The following RANBP17 variants were observed in gnomAD, a reference collection of about 807,000 sequenced individuals.
RANBP17 encodes ran-binding protein 17.
In RANBP17, 158 loss-of-function variants were observed where a neutral mutation model predicts 141.2. That is an observed-to-expected ratio of 1.12 (90% confidence interval 0.98 to 1.28). The LOEUF (loss-of-function observed/expected upper bound fraction) is 1.28. RANBP17 is among the 50% of genes most tolerant of loss of function. RANBP17 has a pLI of 0.00. For synonymous variants in RANBP17, 430 were observed against 450.0 expected (o/e 0.96, Z 0.56); for missense variants, 1,438 against 1,290.7 (o/e 1.11, Z -1.75).
At chr5:171,212,656 C>T (rs1232643349) in intron 20 of RANBP17, among the ~76,000 whole-genome samples, 1 of 152,048 alleles carries the variant, frequency 6.6e-6, no homozygotes, top group Non-Finnish European at 1.5e-5. Flanking sequence ...CCGGACCACA[C>T]TGAAAAGAAA....
chr5:170,922,030 T>C (rs1461773551), intron 11 of RANBP17, among the ~76,000 whole-genome samples: 2 of 150,644 alleles, frequency 1.3e-5, no homozygotes. Context: ...GATGTCCTTT[T>C]TGTTGATGTC....
chr5:171,230,659 G>A (rs1420159103), intron 22 of RANBP17, among the ~76,000 whole-genome samples: 1 of 152,146 alleles, frequency 6.6e-6, no homozygotes, highest in East Asian at 1.9e-4. Flanking sequence ...CTACCTGGAA[G>A]GCTGAGGCAG....
intron 14 of RANBP17, among the ~76,000 whole-genome samples, chr5:170,996,262 G>A (rs1286690866): frequency 6.6e-6 from 1 of 152,104 alleles, no homozygotes; most frequent in Admixed American, 6.6e-5. Flanking sequence ...TCCCTAAAAA[G>A]CAAGGCAATG....
At chr5:171,021,518 A>C (rs1780854545) in intron 14 of RANBP17, among the ~76,000 whole-genome samples, 1 of 152,088 alleles carries the variant, frequency 6.6e-6, no homozygotes, top group African/African-American at 2.4e-5. Context: ...TATTTCAGTA[A>C]GTTGATCTTC....
chr5:171,139,536 A>G (rs533926226), intron 14 of RANBP17, among the ~76,000 whole-genome samples: 198 of 152,316 alleles, frequency 1.3e-3, no homozygotes, highest in Non-Finnish European at 2.3e-3. Context: ...GAATGGCACC[A>G]TTCTAGTATA....
chr5:171,250,209 T>G (rs1247683334), intron 24 of RANBP17, among the ~76,000 whole-genome samples: 1 of 152,160 alleles, frequency 6.6e-6, no homozygotes, highest in Admixed American at 6.5e-5. Context: ...AAGCAAATGC[T>G]AAGGGAATTT....
intron 14 of RANBP17, among the ~76,000 whole-genome samples, chr5:171,047,441 T>C (rs1320423677): frequency 1.1e-5 from 1 of 92,858 alleles, no homozygotes; most frequent in Admixed American, 1.2e-4. Flanking sequence ...TTTTTTGTTT[T>C]GTTTTTTTTT....
At chr5:171,181,970 A>T (rs1027277956) in intron 16 of RANBP17, among the ~76,000 whole-genome samples, 15 of 152,214 alleles carry the variant, frequency 9.9e-5, no homozygotes, top group African/African-American at 3.6e-4. Flanking sequence ...TAGGTTTATT[A>T]CTTGGATTCA....
intron 14 of RANBP17, among the ~76,000 whole-genome samples, chr5:171,009,577 T>C (rs115064963): frequency 0.016 from 2,379 of 152,330 alleles, 64 homozygotes; most frequent in African/African-American, 0.055. Context: ...CTAGGTGATC[T>C]CCAAGTTCTT....
chr5:170,917,684 T>C (rs1772089600), intron 9 of RANBP17, among the ~76,000 whole-genome samples: 1 of 152,286 alleles, frequency 6.6e-6, no homozygotes, highest in Admixed American at 6.5e-5. Context: ...GTTTTGCTGA[T>C]AAAGAGGATT....
chr5:170,931,205 T>G (rs1016691236), intron 12 of RANBP17, among the ~76,000 whole-genome samples: 1 of 152,262 alleles, frequency 6.6e-6, no homozygotes, highest in African/African-American at 2.4e-5. Context: ...TGCATAAATG[T>G]CTTCTTTTGA....
intron 1 of RANBP17, among the ~76,000 whole-genome samples, chr5:170,875,665 A>G (rs1271731367): frequency 6.7e-6 from 1 of 148,914 alleles, no homozygotes; most frequent in Non-Finnish European, 1.5e-5. Context: ...CGGGTTATTT[A>G]TGTTCCTCTC....
chr5:171,234,052 TAAA>T (rs755497554), intron 22 of RANBP17, among the ~76,000 whole-genome samples: 3 of 138,312 alleles, frequency 2.2e-5, no homozygotes, highest in Admixed American at 7.3e-5. Flanking sequence ...CTCCTTATTG[TAAA>T]AAAAAAAAAA....
chr5:170,971,326 T>A (rs1234890880), intron 14 of RANBP17, among the ~76,000 whole-genome samples: 1 of 152,236 alleles, frequency 6.6e-6, no homozygotes, highest in East Asian at 1.9e-4. Flanking sequence ...TCAAATACTT[T>A]GCTCAGAACT....
At chr5:171,023,842 A>T (rs1311464551) in intron 14 of RANBP17, among the ~76,000 whole-genome samples, 1 of 152,116 alleles carries the variant, frequency 6.6e-6, no homozygotes, top group East Asian at 1.9e-4. Flanking sequence ...GTAGTTTGGA[A>T]TGCTCACCTT....
At chr5:170,955,722 T>G (rs1775641053) in intron 13 of RANBP17, among the ~76,000 whole-genome samples, 1 of 133,042 alleles carries the variant, frequency 7.5e-6, no homozygotes, top group Non-Finnish European at 1.6e-5. Context: ...TCTAATGAAA[T>G]TATTTCAATC....
At chr5:170,990,478 TTAA>T (rs1467563824) in intron 14 of RANBP17, among the ~76,000 whole-genome samples, 1 of 151,966 alleles carries the variant, frequency 6.6e-6, no homozygotes, top group Non-Finnish European at 1.5e-5. Flanking sequence ...TTTTTTCAGT[TTAA>T]ACAAAGGATA....
At chr5:170,955,080 A>C (rs1481505403) in intron 13 of RANBP17, among the ~76,000 whole-genome samples, 1 of 152,080 alleles carries the variant, frequency 6.6e-6, no homozygotes, top group Non-Finnish European at 1.5e-5. Context: ...TGGTGATCTG[A>C]GGTGGAACAG....
At chr5:170,866,668 C>T (rs1045476779) in intron 1 of RANBP17, among the ~76,000 whole-genome samples, 6 of 149,904 alleles carry the variant, frequency 4.0e-5, no homozygotes, top group Non-Finnish European at 8.9e-5. Flanking sequence ...GAGCGAGACT[C>T]CATCTCAACA....
Sources: allele counts gnomAD v4.1 joint callset (sites outside exome capture counted in the v4.1 genomes callset), GRCh38; gene constraint gnomAD v4.1.1; transcripts MANE v1.5; gene names NCBI Gene and HGNC (gene_info 2026-07-23, HGNC 2026-07-21).